The following ADAMTSL3 variants were observed in gnomAD, a reference collection of about 807,000 sequenced individuals.
ADAMTSL3 encodes ADAMTS-like protein 3.
Under a neutral mutation model 201.7 loss-of-function variants are expected in ADAMTSL3, and 128 were observed. The ratio of observed to expected loss-of-function variants is 0.63; its 90% CI spans 0.55 to 0.73. ADAMTSL3 has a LOEUF of 0.73. ADAMTSL3 is among the 30% of genes least tolerant of loss of function. The pLI, the probability that ADAMTSL3 is intolerant of heterozygous loss-of-function variation, is 0.00. For synonymous variants in ADAMTSL3, 738 were observed against 748.4 expected, an observed-to-expected ratio of 0.99 and a Z score of 0.23; for missense variants, 1,990 against 2,119.6, an observed-to-expected ratio of 0.94 and a Z score of 1.20.
intron 3 of ADAMTSL3, among the ~76,000 whole-genome samples, chr15:83,715,982 C>G (rs905543220): frequency 6.6e-5 from 10 of 152,194 alleles, no homozygotes; most frequent in Non-Finnish European, 1.3e-4. Context: ...TCTTCCTGCT[C>G]TTTGAAATAG....
intron 3 of ADAMTSL3, among the ~76,000 whole-genome samples, chr15:83,716,515 C>CAA (rs751248003): frequency 3.7e-5 from 2 of 53,660 alleles, no homozygotes; most frequent in Non-Finnish European, 4.0e-5. Context: ...AACTCCGTCT[C>CAA]AAAAAAAAAA....
intron 2 of ADAMTSL3, among the ~76,000 whole-genome samples, chr15:83,697,395 T>A (rs538586819): frequency 6.6e-6 from 1 of 152,266 alleles, no homozygotes; most frequent in South Asian, 2.1e-4. Flanking sequence ...AGAGATAGTA[T>A]CAGACCCCAC....
chr15:83,703,037 C>T (rs181709111), intron 2 of ADAMTSL3, among the ~76,000 whole-genome samples: 198 of 152,244 alleles, frequency 1.3e-3, no homozygotes, highest in Admixed American at 2.9e-3. Flanking sequence ...CTTGCCTCAG[C>T]GTGACCTGGA....
intron 23 of ADAMTSL3, among the ~76,000 whole-genome samples, chr15:84,001,227 C>G (rs1406156509): frequency 6.6e-6 from 1 of 152,120 alleles, no homozygotes; most frequent in Non-Finnish European, 1.5e-5. Context: ...GTGTGGGACA[C>G]AGGTGTCCCG....
chr15:83,926,576 C>T (rs192324479), intron 17 of ADAMTSL3, among the ~76,000 whole-genome samples: 1 of 151,920 alleles, frequency 6.6e-6, no homozygotes, highest in Non-Finnish European at 1.5e-5. Context: ...CTGCAAATAT[C>T]ATCGTTTCCT....
At chr15:83,884,717 C>T (rs916482232) in intron 9 of ADAMTSL3, among the ~76,000 whole-genome samples, 4 of 152,074 alleles carry the variant, frequency 2.6e-5, no homozygotes, top group African/African-American at 4.8e-5. Context: ...TAAGAGTCTC[C>T]ACTATGTGCT....
intron 3 of ADAMTSL3, among the ~76,000 whole-genome samples, chr15:83,750,519 CT>C (rs1242433719): frequency 6.6e-6 from 1 of 151,938 alleles, no homozygotes; most frequent in African/African-American, 2.4e-5. Flanking sequence ...TGGTCCCCTT[CT>C]TTTTCAAAAT....
chr15:83,801,631 TATATAAATATATAA>T (rs1393863235), intron 4 of ADAMTSL3, among the ~76,000 whole-genome samples: 2 of 32,756 alleles, frequency 6.1e-5, no homozygotes, highest in Non-Finnish European at 9.8e-5. Context: ...AAATTTTATA[TATATAAATATATAA>T]ATATAAATAT....
chr15:83,878,337 C>T (rs780008788), intron 9 of ADAMTSL3, among the ~76,000 whole-genome samples: 99 of 152,130 alleles, frequency 6.5e-4, no homozygotes, highest in African/African-American at 2.2e-3. Context: ...TGTTAGTTGC[C>T]GGGCGTGGTG....
intron 2 of ADAMTSL3, among the ~76,000 whole-genome samples, chr15:83,698,481 TG>T (rs916432314): frequency 1.6e-4 from 25 of 152,288 alleles, no homozygotes; most frequent in Middle Eastern, 3.4e-3. Flanking sequence ...TGATGCATTT[TG>T]GCAGCTTCTC....
intron 17 of ADAMTSL3, among the ~76,000 whole-genome samples, chr15:83,940,558 C>T (rs1251227708): frequency 1.3e-5 from 2 of 152,176 alleles, no homozygotes; most frequent in East Asian, 3.8e-4. Flanking sequence ...ACCCTAATTA[C>T]CTCTCAAAGG....
chr15:83,927,824 A>G (rs980991426), intron 17 of ADAMTSL3, among the ~76,000 whole-genome samples: 2 of 152,116 alleles, frequency 1.3e-5, no homozygotes, highest in African/African-American at 4.8e-5. Flanking sequence ...TTATGCTACT[A>G]GTAGAGCTGG....
At chr15:83,867,796 G>A (rs2065007327) in intron 8 of ADAMTSL3, among the ~76,000 whole-genome samples, 1 of 152,100 alleles carries the variant, frequency 6.6e-6, no homozygotes, top group African/African-American at 2.4e-5. Flanking sequence ...CCATGACCCT[G>A]CCTTTTTTGA....
intron 3 of ADAMTSL3, among the ~76,000 whole-genome samples, chr15:83,723,953 G>A (rs181256711): frequency 1.3e-5 from 2 of 152,086 alleles, no homozygotes; most frequent in Admixed American, 1.3e-4. Context: ...TTTGAAGGTT[G>A]GTGGCAATTT....
chr15:83,845,549 T>C (rs1011269506), intron 7 of ADAMTSL3, among the ~76,000 whole-genome samples: 14 of 152,084 alleles, frequency 9.2e-5, no homozygotes, highest in African/African-American at 3.4e-4. Flanking sequence ...GACCTCAACT[T>C]TTTCATCTGC....
chr15:83,759,029 A>G lies in ADAMTSL3; in HGVS notation c.190-14494A>G, dbSNP rs76964168. The stretch of plus-strand genomic sequence containing the variant: ...GTTCTGGCATTAGATGTTGCTGTGG[A>G]GAAGGCAGACCTTTCCCCTTGCAGG... On this transcript the variant is annotated intron_variant, in intron 3 of 29. Transcript: ENST00000286744. Among the ~76,000 whole-genome samples the G allele has an allele frequency of 4.2e-3, 644 of 152,238 alleles. 18 individuals carry two copies. The East Asian group carries it at 0.071, about 17-fold the overall frequency.
chr15:83,741,559 A>G (rs1332686087), intron 3 of ADAMTSL3, among the ~76,000 whole-genome samples: 1 of 152,234 alleles, frequency 6.6e-6, no homozygotes, highest in Non-Finnish European at 1.5e-5. Flanking sequence ...ATGTGAAATT[A>G]TAAGAAATAA....
At chr15:83,861,053 G>A (rs147012643) in intron 8 of ADAMTSL3, among the ~76,000 whole-genome samples, 4,348 of 152,242 alleles carry the variant, frequency 0.029, 98 homozygotes, top group Non-Finnish European at 0.042. Flanking sequence ...CTATGCCCAC[G>A]GAGCCTTGCT....
intron 16 of ADAMTSL3, among the ~76,000 whole-genome samples, chr15:83,916,052 G>C (rs895618254): frequency 1.3e-5 from 2 of 152,178 alleles, no homozygotes; most frequent in Non-Finnish European, 2.9e-5. Flanking sequence ...AAACATACAA[G>C]TTTTTTGACA....
Sources: allele counts gnomAD v4.1 joint callset (sites outside exome capture counted in the v4.1 genomes callset), GRCh38; gene constraint gnomAD v4.1.1; transcripts MANE v1.5; gene names NCBI Gene and HGNC (gene_info 2026-07-23, HGNC 2026-07-21).